EMB: variants seen among roughly 807,000 people sequenced by gnomAD.
The protein encoded by EMB is embigin homolog.
In EMB, 31 loss-of-function variants were observed where a neutral mutation model predicts 41.4. The observed-to-expected ratio is 0.75, with a 90% CI of 0.56 to 1.01. The LOEUF is 1.01. EMB is among the 50% of genes least tolerant of loss of function. EMB has a pLI of 0.00. For missense variants in EMB, 379 were observed against 388.3 expected, an observed-to-expected ratio of 0.98 and a Z score of 0.20; for synonymous variants, 137 against 140.4, an observed-to-expected ratio of 0.98 and a Z score of 0.17.
intron 7 of EMB, among the ~76,000 whole-genome samples, chr5:50,401,489 T>A (rs989653128): frequency 6.6e-6 from 1 of 151,984 alleles, no homozygotes; most frequent in Admixed American, 6.6e-5. Flanking sequence ...TCTAGCCTCG[T>A]TTTCCTGGAC....
chr5:50,418,272 A>T (rs1038178762), intron 2 of EMB, among the ~76,000 whole-genome samples: 1 of 152,260 alleles, frequency 6.6e-6, no homozygotes, highest in Non-Finnish European at 1.5e-5. Flanking sequence ...AATAATTAAC[A>T]TGAAGTTAAT....
rs1745335753 is a variant in EMB at position 50,411,381 on chromosome 5, G to A, written c.199C>T (p.His67Tyr). ...LESHNISLTE[H>Y]SSMPVEKNIT... is the part of the protein sequence containing the mutation. The stretch of plus-strand genomic sequence containing the variant: ...TTTTTTTCTACTGGCATACTAGAAT[G>A]TTCTATTAGCACAAAAGAGGACAAA... The change falls in exon 3 of 9, where the codon CAT becomes TAT. Residue 67 changes from histidine (H) to tyrosine (Y), a missense_variant and splice_region_variant. Transcript: ENST00000303221. 2 of 1,586,208 alleles carry A rather than the reference G, an allele frequency of 1.3e-6. No individual in the cohort carries two copies. The highest frequency in any genetic ancestry group is 1.7e-6 in the Non-Finnish European group (2 of 1,164,444).
intron 2 of EMB, among the ~76,000 whole-genome samples, chr5:50,415,877 C>A (rs1181511868): frequency 1.3e-5 from 2 of 152,076 alleles, no homozygotes; most frequent in African/African-American, 4.8e-5. Context: ...TAGCTATATA[C>A]CAATATGAAT....
intron 1 of EMB, among the ~76,000 whole-genome samples, chr5:50,431,145 G>A (rs1745714172): frequency 6.6e-6 from 1 of 152,146 alleles, no homozygotes; most frequent in Non-Finnish European, 1.5e-5. Flanking sequence ...CAAGCTTCAG[G>A]TTCCACGGAA....
intron 4 of EMB, among the ~76,000 whole-genome samples, chr5:50,409,286 A>G (rs1208144141): frequency 2.6e-5 from 4 of 152,260 alleles, no homozygotes; most frequent in African/African-American, 7.2e-5. Context: ...CTTCCACATA[A>G]TAATTTAAGT....
chr5:50,407,856 G>T (rs1197748658), intron 4 of EMB, among the ~76,000 whole-genome samples: 1 of 151,962 alleles, frequency 6.6e-6, no homozygotes, highest in Non-Finnish European at 1.5e-5. Context: ...TTTCTAGGAA[G>T]ATGGGGTTTG....
At position 50,399,910 on chromosome 5, in the gene EMB, T is replaced by G; in HGVS notation, c.915A>C (p.Lys305Asn). ...TTTCTATACCATTGCTATCATCTGA[T>G]TTCCTGCACAGAAAACAAAAAAGAA... The part of the protein sequence containing the change: ...GKEFEQIEQL[K>N]SDDSNGIENN... Residue 305 changes from lysine (K) to asparagine (N), a missense_variant, in exon 8 of 9, where the codon AAA becomes AAC. By Grantham distance (94) the Lys-to-Asn change is moderately conservative. Coordinates refer to ENST00000303221, the MANE Select transcript of EMB (RefSeq NM_198449.3). The G allele has an allele frequency of 1.2e-6, 2 of 1,603,430 alleles. No individual in the cohort carries two copies. The highest frequency in any genetic ancestry group is 8.5e-7 in the Non-Finnish European group (1 of 1,175,396).
chr5:50,415,708 G>A (rs530234263), intron 2 of EMB, among the ~76,000 whole-genome samples: 91 of 152,230 alleles, frequency 6.0e-4, no homozygotes, highest in Admixed American at 1.8e-3. Flanking sequence ...TCAGATTTAG[G>A]TATGCCTGAG....
rs779898910 is a variant in EMB at position 50,399,931 on chromosome 5, A to G, written c.912-18T>C. 1.3e-5 allele frequency: 21 copies of G among 1,582,500 alleles called. No individual in the cohort carries two copies. The highest frequency in any genetic ancestry group is 3.4e-4 in the Middle Eastern group (2 of 5,960). ...CTGATTTCCTGCACAGAAAACAAAA[A>G]AGAAAATTACTAAATGCTTATATTA... On this transcript the variant is annotated intron_variant, in intron 7 of 8. Coordinates refer to ENST00000303221, the MANE Select transcript of EMB (RefSeq NM_198449.3).
rs192913165 is a variant in EMB at position 50,410,760 on chromosome 5, T to C, written c.472+117A>G. The C allele has an allele frequency of 5.4e-4, 371 of 687,914 alleles. 3 individuals carry two copies. In the African/African-American group the frequency reaches 6.3e-3, roughly 12 times the overall value. The allele number at this position is 687,914 out of a possible 1,614,324, so 42.6% of individuals were successfully genotyped here. A position where few individuals can be genotyped will look rare whatever the true frequency, so the allele number is the denominator to read the frequency against. ...CTTGTGGCTCTGGAAAGCATATGAC[T>C]TTCTTTCAGCTACATTATGTTTATT... On this transcript the variant is annotated intron_variant, in intron 4 of 8. Transcript: ENST00000303221.
At chr5:50,403,721 G>C (rs1745204464) in intron 5 of EMB, among the ~76,000 whole-genome samples, 1 of 151,906 alleles carries the variant, frequency 6.6e-6, no homozygotes, top group Admixed American at 6.6e-5. Flanking sequence ...AGGTCATCAT[G>C]AATAAATATT....
intron 1 of EMB, among the ~76,000 whole-genome samples, chr5:50,436,585 TGCACAAAA>T (rs1292492335): frequency 4.6e-5 from 7 of 152,332 alleles, no homozygotes; most frequent in Admixed American, 1.3e-4. Flanking sequence ...CTGCTGCTCC[TGCACAAAA>T]GCCTTGTTAA....
chr5:50,420,166 T>C (rs912032125), intron 2 of EMB, among the ~76,000 whole-genome samples: 1 of 152,120 alleles, frequency 6.6e-6, no homozygotes, highest in Non-Finnish European at 1.5e-5. Context: ...ATCCGGCACA[T>C]GTACCCCAGA....
chr5:50,429,428 A>T (rs1285769941), intron 1 of EMB, among the ~76,000 whole-genome samples: 1 of 152,260 alleles, frequency 6.6e-6, no homozygotes, highest in Non-Finnish European at 1.5e-5. Context: ...TTAGATTTCC[A>T]GTTCTTTCAT....
rs568406737 is a variant in EMB, at chr5:50,428,418, AT to A, written c.113-192del. 7.5e-4 allele frequency: 914 copies of A among 1,213,408 alleles called. 1 individual carries two copies. Among genetic ancestry groups the A allele is most frequent in the Middle Eastern group, 1.6e-3 (5 of 3,050 alleles). The allele number at this position is 1,213,408 out of a possible 1,614,324, so 75.2% of individuals were successfully genotyped here. On this transcript the variant is annotated intron_variant, in intron 1 of 8. Coordinates refer to ENST00000303221, the MANE Select transcript of EMB (RefSeq NM_198449.3). ...GCTATTAAATGTGAAAAAAATTCTGATTTTTTTTCTTTTTTAACCTAAAAAT... is the reference window on the plus strand; with the variant it reads ...GCTATTAAATGTGAAAAAAATTCTGATTTTTTTCTTTTTTAACCTAAAAAT...
chr5:50,426,488 T>C (rs902025005), intron 2 of EMB, among the ~76,000 whole-genome samples: 1 of 152,200 alleles, frequency 6.6e-6, no homozygotes, highest in Non-Finnish European at 1.5e-5. Context: ...CCATATGTTT[T>C]CCAGTCTCGA....
intron 2 of EMB, among the ~76,000 whole-genome samples, chr5:50,425,052 T>G (rs1042826920): frequency 1.3e-5 from 2 of 152,132 alleles, no homozygotes; most frequent in Non-Finnish European, 2.9e-5. Context: ...TGAAAAAATA[T>G]CCTAACACTT....
In EMB at chr5:50,403,579, G is replaced by A. The variant is rs1745202487; in HGVS notation, c.601-125C>T. On this transcript the variant is annotated intron_variant, in intron 5 of 8. Transcript: ENST00000303221. ...GCTTACTAGAGAAAGGCATATTAAA[G>A]TTTGTGAGAGGTTATCTATAACAGA... 3.8e-6 allele frequency: 4 copies of A among 1,048,096 alleles called. 1 individual carries two copies. In the East Asian group the frequency reaches 7.5e-5, roughly 20 times the overall value. The allele number at this position is 1,048,096 out of a possible 1,614,324, so 64.9% of individuals were successfully genotyped here. A position where few individuals can be genotyped will look rare whatever the true frequency, so the allele number is the denominator to read the frequency against.
intron 4 of EMB, among the ~76,000 whole-genome samples, chr5:50,407,623 T>C (rs1745268681): frequency 6.6e-6 from 1 of 152,058 alleles, no homozygotes; most frequent in African/African-American, 2.4e-5. Flanking sequence ...GGATTTAAAT[T>C]ATAAAATGCA....
Sources: gnomAD v4.1 joint callset for allele counts (sites outside exome capture counted in the v4.1 genomes callset) on GRCh38, gnomAD v4.1.1 for gene constraint, MANE v1.5 for transcripts, NCBI Gene and HGNC (gene_info 2026-07-23, HGNC 2026-07-21) for gene names.